Variants in EDAR observed in about 807,000 individuals in gnomAD.
EDAR encodes the protein tumor necrosis factor receptor superfamily member EDAR.
Under a neutral mutation model 51.3 loss-of-function variants are expected in EDAR, and 38 were observed. That is an observed-to-expected ratio of 0.74 (90% CI 0.57 to 0.97). The LOEUF is 0.97. Among genes scored for constraint, EDAR ranks in the 50% least tolerant of loss-of-function variants. The probability of loss-of-function intolerance (pLI) is 0.00; values close to 1 mark genes in which losing one functional copy is unlikely to be tolerated. For synonymous variants in EDAR, 227 were observed against 242.1 expected (o/e 0.94, Z 0.58); for missense variants, 528 against 595.0 (o/e 0.89, Z 1.17).
intron 1 of EDAR, among the ~76,000 whole-genome samples, chr2:108,949,381 T>C (rs1697779033): frequency 1.3e-5 from 2 of 152,214 alleles, no homozygotes; most frequent in Non-Finnish European, 2.9e-5. Flanking sequence ...CTGATAATTT[T>C]GCTTTTCAGT....
chr2:108,943,857 G>T (rs909388625), intron 1 of EDAR, among the ~76,000 whole-genome samples: 1 of 152,232 alleles, frequency 6.6e-6, no homozygotes, highest in African/African-American at 2.4e-5. Context: ...GCAGAGACTA[G>T]AATTCCTCTG....
At chr2:108,938,104 C>A (rs1462526618) in intron 1 of EDAR, among the ~76,000 whole-genome samples, 1 of 152,204 alleles carries the variant, frequency 6.6e-6, no homozygotes, top group Non-Finnish European at 1.5e-5. Flanking sequence ...ACTCTCTGTG[C>A]ATCACTGAAT....
At chr2:108,959,512 T>A (rs1022577263) in intron 1 of EDAR, among the ~76,000 whole-genome samples, 1 of 152,200 alleles carries the variant, frequency 6.6e-6, no homozygotes, top group Non-Finnish European at 1.5e-5. Context: ...CTGTGATGCT[T>A]AAAACCTGTG....
chr2:108,943,169 G>A (rs540926549), intron 1 of EDAR, among the ~76,000 whole-genome samples: 1 of 152,268 alleles, frequency 6.6e-6, no homozygotes, highest in South Asian at 2.1e-4. Context: ...CGGTTTGAAA[G>A]AGAATTCGTT....
rs3833574 is a variant in EDAR, at chr2:108,906,291, CT to C, written c.1024+16del. ...TGGGGTGGGCACCACCTCTCCCAGG[CT>C]TTTTTTTCAGCTTACCTTCCACGAC... On this transcript the variant is annotated intron_variant, in intron 11 of 11. Transcript: ENST00000258443. 158,438 of 1,610,286 alleles carry C rather than the reference CT, an allele frequency of 0.098. 16,164 individuals are homozygous for C. Among genetic ancestry groups the C allele is most frequent in the African/African-American group, 0.5 (37,781 of 74,924 alleles).
At chr2:108,932,123 T>C (rs143975670) in intron 1 of EDAR, among the ~76,000 whole-genome samples, 245 of 152,346 alleles carry the variant, frequency 1.6e-3, no homozygotes, top group African/African-American at 5.6e-3. Flanking sequence ...ACATATGCCA[T>C]GATGCACAGG....
Position 108,910,496 on chromosome 2 carries a change from T to C in EDAR, c.767A>G (p.Glu256Gly). The C allele has an allele frequency of 6.2e-7, 1 of 1,613,956 alleles. No individual in the cohort carries two copies. Among genetic ancestry groups the C allele is most frequent in the Non-Finnish European group, 8.5e-7 (1 of 1,179,926 alleles). The part of the protein sequence containing the change: ...VVMFSEKDEF[E>G]KLTATPAKPT... ...CTTTGCTGGAGTTGCTGTCAGCTTC[T>C]CAAATTCATCCTTCTCGGAGAACAT... Residue 256 changes from glutamate (E) to glycine (G), a missense_variant, in exon 9 of 12, where the codon GAG becomes GGG. By Grantham distance (98) the Glu-to-Gly change is moderately conservative. Transcript: ENST00000258443.
At chr2:108,983,184 AAC>A (rs1009224707) in intron 1 of EDAR, among the ~76,000 whole-genome samples, 1 of 152,120 alleles carries the variant, frequency 6.6e-6, no homozygotes, top group Non-Finnish European at 1.5e-5. Flanking sequence ...CATGTCAACA[AAC>A]ACATCCCCAA....
Position 108,897,155 on chromosome 2 carries a change from C to T in EDAR, c.1099G>A (p.Glu367Lys), listed in dbSNP as rs756272695. The stretch of plus-strand genomic sequence containing the variant: ...CGCCACGTTTTCACAACAGCCTTCT[C>T]AGAGTTGTACGTGGAGCTGAGCATT... ...SRMLSSTYNS[E>K]KAVVKTWRHL... The change falls in exon 12 of 12, where the codon GAG becomes AAG. Residue 367 changes from glutamate (E) to lysine (K), a missense_variant. Glu to Lys is a moderately conservative substitution (Grantham distance 56). Transcript: ENST00000258443. The T allele has an allele frequency of 1.9e-6, 3 of 1,613,884 alleles. No homozygotes were observed. The highest frequency in any genetic ancestry group is 2.5e-6 in the Non-Finnish European group (3 of 1,180,034).
chr2:108,972,199 T>G (rs1234279241), intron 1 of EDAR, among the ~76,000 whole-genome samples: 1 of 152,260 alleles, frequency 6.6e-6, no homozygotes, highest in Non-Finnish European at 1.5e-5. Flanking sequence ...AGTCATTTAT[T>G]ACACAGCACA....
In EDAR at chr2:108,935,251, C is replaced by T. The variant is rs1332127739; in HGVS notation, c.-18-4219G>A. 2.0e-5 allele frequency among the ~76,000 whole-genome samples: 3 copies of T among 152,294 alleles called. No homozygotes were observed. In the East Asian group the frequency reaches 5.8e-4, roughly 29 times the overall value. On this transcript the variant is annotated intron_variant, in intron 1 of 11. Coordinates refer to ENST00000258443, the MANE Select transcript of EDAR (RefSeq NM_022336.4). ...GATGACACAGCTGTAATCACATCAG[C>T]TTATGACTACTGAGCTCAGACCCCA...
chr2:108,988,354 G>A (rs572708061), intron 1 of EDAR, among the ~76,000 whole-genome samples: 5 of 152,196 alleles, frequency 3.3e-5, no homozygotes, highest in South Asian at 2.1e-4. Context: ...CCCACCCCAC[G>A]GTCTGTCAGA....
Position 108,910,520 on chromosome 2 carries a change from A to G in EDAR, c.743T>C (p.Met248Thr), listed in dbSNP as rs1413940550. The G allele has an allele frequency of 6.2e-7, 1 of 1,613,116 alleles. No individual in the cohort carries two copies. Among genetic ancestry groups the G allele is most frequent in the Admixed American group, 1.7e-5 (1 of 59,978 alleles). Residue 248 changes from methionine (M) to threonine (T), a missense_variant, in exon 9 of 12, where the codon ATG becomes ACG. Physicochemically the swap from Met to Thr is moderately conservative, Grantham distance 81 (BLOSUM62 -1). Coordinates refer to ENST00000258443, the MANE Select transcript of EDAR (RefSeq NM_022336.4). ...CTCAAATTCATCCTTCTCGGAGAAC[A>G]TCACCACGTTGTCTGCAGGGAAATG... ...EKKEAPDNVV[M>T]FSEKDEFEKL... is the part of the protein sequence containing the mutation.
intron 11 of EDAR, among the ~76,000 whole-genome samples, chr2:108,901,190 A>C (rs1164840693): frequency 6.6e-6 from 1 of 152,256 alleles, no homozygotes; most frequent in Non-Finnish European, 1.5e-5. Flanking sequence ...AATATATAAC[A>C]GAAAAATCTT....
intron 5 of EDAR, among the ~76,000 whole-genome samples, chr2:108,913,665 C>T (rs1204338092): frequency 2.0e-5 from 3 of 151,978 alleles, no homozygotes; most frequent in Admixed American, 6.5e-5. Flanking sequence ...AAAGTGTATG[C>T]GATAGCTATC....
At chr2:108,897,345 T>C in intron 11 of EDAR, 116 bp from the exon 12 acceptor site, 1 of 1,045,854 alleles carries the variant, frequency 9.6e-7, no homozygotes. Flanking sequence ...TTTAAAATTA[T>C]AAAACATGCA....
intron 1 of EDAR, among the ~76,000 whole-genome samples, chr2:108,951,145 A>G (rs1239694703): frequency 1.3e-5 from 2 of 152,234 alleles, no homozygotes; most frequent in East Asian, 1.9e-4. Context: ...GATTCTATGT[A>G]GCTTGAAGCC....
chr2:108,926,013 CCACCG>C (rs1228970525), intron 4 of EDAR, among the ~76,000 whole-genome samples: 57 of 152,302 alleles, frequency 3.7e-4, no homozygotes, highest in Middle Eastern at 3.4e-3. Context: ...CAAGGAGAAG[CCACCG>C]TTTTCTAGCA....
chr2:108,896,619 T>C lies in EDAR; in HGVS notation c.*288A>G, dbSNP rs879053670. Reference sequence around the variant, plus strand: ...TTGAGTCCTCAACATTGTCTCATTGTTCAGTGAGTTAATGGTGGGCTGGTG... The same window carrying C: ...TTGAGTCCTCAACATTGTCTCATTGCTCAGTGAGTTAATGGTGGGCTGGTG... On this transcript the variant is annotated 3_prime_UTR_variant, in exon 12 of 12. Transcript: ENST00000258443. The C allele has an allele frequency of 2.3e-6, 1 of 429,928 alleles. No homozygotes were observed. Among genetic ancestry groups the C allele is most frequent in the South Asian group, 3.7e-5 (1 of 27,204 alleles). 26.6% of individuals were successfully genotyped at this position (429,928 alleles called of 1,614,324 possible). A position where few individuals can be genotyped will look rare whatever the true frequency, so the allele number is the denominator to read the frequency against.
Sources: gnomAD v4.1 joint callset for allele counts (sites outside exome capture counted in the v4.1 genomes callset) on GRCh38, gnomAD v4.1.1 for gene constraint, MANE v1.5 for transcripts, NCBI Gene and HGNC (gene_info 2026-07-23, HGNC 2026-07-21) for gene names.